The following KCNK2 variants were observed in gnomAD, a reference collection of about 807,000 sequenced individuals.
The protein encoded by KCNK2 is potassium channel subfamily K member 2.
KCNK2 carries 21 observed loss-of-function variants against 40.5 expected under a neutral mutation model. That is an observed-to-expected ratio of 0.52 (90% CI 0.37 to 0.75). The LOEUF (loss-of-function observed/expected upper bound fraction) is 0.75. Among genes scored for constraint, KCNK2 ranks in the 30% least tolerant of loss-of-function variants. The pLI, the probability that KCNK2 is intolerant of heterozygous loss-of-function variation, is 0.00. For missense variants in KCNK2, 399 were observed against 531.6 expected (o/e 0.75, Z 2.45); for synonymous variants, 191 against 202.2 (o/e 0.94, Z 0.47).
chr1:215,092,691 T>C (rs772895858), intron 2 of KCNK2, among the ~76,000 whole-genome samples: 1 of 152,300 alleles, frequency 6.6e-6, no homozygotes, highest in African/African-American at 2.4e-5. Flanking sequence ...GGGCTTCTTA[T>C]ATCTTGCTGG....
intron 1 of KCNK2, among the ~76,000 whole-genome samples, chr1:215,067,162 T>C (rs1476160343): frequency 6.6e-6 from 1 of 152,194 alleles, no homozygotes; most frequent in East Asian, 1.9e-4. Context: ...CTGTTAGTAC[T>C]TTTAAAATCC....
At chr1:215,109,564 A>G (rs1187442105) in intron 2 of KCNK2, among the ~76,000 whole-genome samples, 2 of 151,286 alleles carry the variant, frequency 1.3e-5, no homozygotes, top group Non-Finnish European at 3.0e-5. Context: ...GTTGAGTATT[A>G]TTTGTGTGTG....
chr1:215,093,032 T>C (rs896918700), intron 2 of KCNK2, among the ~76,000 whole-genome samples: 1 of 152,108 alleles, frequency 6.6e-6, no homozygotes, highest in Non-Finnish European at 1.5e-5. Context: ...GTTTGGAGTT[T>C]GCGGGAGGGG....
At chr1:215,040,247 T>C (rs555943127) in intron 1 of KCNK2, among the ~76,000 whole-genome samples, 29 of 152,174 alleles carry the variant, frequency 1.9e-4, no homozygotes, top group Admixed American at 3.9e-4. Context: ...TAATAATTTA[T>C]CAGCCTTAGA....
At chr1:215,021,886 A>G (rs1220784766) in intron 1 of KCNK2, among the ~76,000 whole-genome samples, 2 of 152,006 alleles carry the variant, frequency 1.3e-5, no homozygotes, top group African/African-American at 4.8e-5. Flanking sequence ...TCAGAATTCC[A>G]GGGTCTTAGA....
At chr1:215,033,301 C>T (rs1264283584) in intron 1 of KCNK2, among the ~76,000 whole-genome samples, 1 of 151,866 alleles carries the variant, frequency 6.6e-6, no homozygotes, top group African/African-American at 2.4e-5. Flanking sequence ...GAGTCCTCAG[C>T]ATATTAGTCA....
chr1:215,162,770 A>G (rs913149101), intron 3 of KCNK2, among the ~76,000 whole-genome samples: 1 of 151,518 alleles, frequency 6.6e-6, no homozygotes, highest in African/African-American at 2.4e-5. Flanking sequence ...GTTCTGTTCT[A>G]TTGGTCTATA....
chr1:215,097,444 A>G (rs1249593032), intron 2 of KCNK2, among the ~76,000 whole-genome samples: 2 of 151,604 alleles, frequency 1.3e-5, no homozygotes, highest in Non-Finnish European at 2.9e-5. Context: ...AAAAAAAATT[A>G]AATGGCTCTT....
At chr1:215,234,497 T>C (rs370294471) in intron 6 of KCNK2, among the ~76,000 whole-genome samples, 3 of 152,170 alleles carry the variant, frequency 2.0e-5, no homozygotes, top group African/African-American at 7.2e-5. Flanking sequence ...CTAAAAATGT[T>C]TTTTAAAAGC....
chr1:215,136,581 T>G (rs12031308), intron 3 of KCNK2, among the ~76,000 whole-genome samples: 86,376 of 152,046 alleles, frequency 0.57, 26,493 homozygotes, highest in Non-Finnish European at 0.68. Context: ...AAAGTCTATT[T>G]CTTGTTTACA....
intron 2 of KCNK2, among the ~76,000 whole-genome samples, chr1:215,123,560 T>C (rs1661288140): frequency 6.6e-6 from 1 of 152,232 alleles, no homozygotes; most frequent in African/African-American, 2.4e-5. Flanking sequence ...GTATTACATT[T>C]CAGCTATGGG....
At chr1:215,194,579 T>A (rs899049735) in intron 5 of KCNK2, among the ~76,000 whole-genome samples, 1 of 152,110 alleles carries the variant, frequency 6.6e-6, no homozygotes, top group Non-Finnish European at 1.5e-5. Context: ...TGCACACCAA[T>A]AAAAGTGTAA....
chr1:215,216,763 T>C (rs956250941), intron 6 of KCNK2, among the ~76,000 whole-genome samples: 2 of 152,174 alleles, frequency 1.3e-5, no homozygotes, highest in Non-Finnish European at 2.9e-5. Flanking sequence ...TGCTCTTTTT[T>C]AATAATAAAT....
In KCNK2 at chr1:215,092,262, C is replaced by G. The variant is rs563948617; in HGVS notation, c.357+5584C>G. On this transcript the variant is annotated intron_variant, in intron 2 of 6. Coordinates refer to ENST00000444842, the MANE Select transcript of KCNK2 (RefSeq NM_001017425.3). ...AAGGGAGAGGAGTCAAGGACAACCCCAAGATTTTTGGCCCAGGGAATGAAC... is the reference window on the plus strand; with the variant it reads ...AAGGGAGAGGAGTCAAGGACAACCCGAAGATTTTTGGCCCAGGGAATGAAC... Among the ~76,000 whole-genome samples, 94 of 152,160 alleles carry G rather than the reference C, an allele frequency of 6.2e-4. 1 individual carries two copies. Among genetic ancestry groups the G allele is most frequent in the African/African-American group, 2.1e-3 (87 of 41,500 alleles).
chr1:215,048,834 T>C (rs568645687), intron 1 of KCNK2, among the ~76,000 whole-genome samples: 2 of 152,308 alleles, frequency 1.3e-5, no homozygotes, highest in African/African-American at 4.8e-5. Flanking sequence ...CATGTATCAA[T>C]AGCTTATACT....
At chr1:215,045,497 G>A (rs1452621) in intron 1 of KCNK2, among the ~76,000 whole-genome samples, 129,558 of 152,154 alleles carry the variant, frequency 0.85, 55,421 homozygotes, top group East Asian at 0.99. Flanking sequence ...GCTGTTCATC[G>A]AAAGATGACC....
At chr1:215,070,477 A>C (rs1452383156) in intron 1 of KCNK2, among the ~76,000 whole-genome samples, 1 of 151,750 alleles carries the variant, frequency 6.6e-6, no homozygotes, top group African/African-American at 2.4e-5. Flanking sequence ...TTATAGTTCC[A>C]CATGGCTGGG....
chr1:215,169,961 AT>A (rs1322916403), intron 4 of KCNK2, among the ~76,000 whole-genome samples: 2 of 152,018 alleles, frequency 1.3e-5, no homozygotes, highest in African/African-American at 4.8e-5. Flanking sequence ...TAAATTTCAT[AT>A]GTAGTGTCTC....
At chr1:215,011,468 A>G (rs944170961) in intron 1 of KCNK2, among the ~76,000 whole-genome samples, 1 of 150,790 alleles carries the variant, frequency 6.6e-6, no homozygotes, top group Non-Finnish European at 1.5e-5. Context: ...AAATTTTTAT[A>G]TTTTTAGTAG....
Sources: gnomAD v4.1 joint callset for allele counts (sites outside exome capture counted in the v4.1 genomes callset) on GRCh38, gnomAD v4.1.1 for gene constraint, MANE v1.5 for transcripts, NCBI Gene and HGNC (gene_info 2026-07-23, HGNC 2026-07-21) for gene names.